Variants in FAIM2 observed in about 807,000 individuals in gnomAD.
FAIM2 encodes Fas apoptotic inhibitory molecule 2.
In FAIM2, 27 loss-of-function variants were observed where a neutral mutation model predicts 47.4. The ratio of observed to expected loss-of-function variants is 0.57; its 90% confidence interval spans 0.42 to 0.78. FAIM2 has a LOEUF of 0.78. FAIM2 is among the 30% of genes least tolerant of loss of function. The pLI is 0.00. For missense variants in FAIM2, 311 were observed against 389.4 expected, an observed-to-expected ratio of 0.80 and a Z score of 1.69; for synonymous variants, 156 against 159.3, an observed-to-expected ratio of 0.98 and a Z score of 0.16.
intron 10 of FAIM2, among the ~76,000 whole-genome samples, 196 bp from the exon 11 acceptor site, chr12:49,887,635 G>A (rs1323474151): frequency 6.6e-6 from 1 of 152,068 alleles, no homozygotes; most frequent in Non-Finnish European, 1.5e-5. Context: ...GGATAAGAGC[G>A]ATCCTGGTGG....
chr12:49,897,621 C>T, intron 3 of FAIM2, 38 bp from the exon 4 acceptor site: 5 of 1,517,704 alleles, frequency 3.3e-6, no homozygotes, highest in Non-Finnish European at 4.6e-6. Context: ...TTGGGGGGCC[C>T]TGTTAGGGAC....
chr12:49,885,358 C>T (rs899249560), intron 11 of FAIM2, among the ~76,000 whole-genome samples: 9 of 152,212 alleles, frequency 5.9e-5, no homozygotes, highest in African/African-American at 2.2e-4. Context: ...CCTGGCTTGG[C>T]CCCTCTTCTG....
Position 49,887,457 on chromosome 12 carries a change from T to C in FAIM2, c.748-18A>G. 6.2e-7 allele frequency: 1 copy of C among 1,608,170 alleles called. No individual in the cohort carries two copies. The highest frequency in any genetic ancestry group is 8.5e-7 in the Non-Finnish European group (1 of 1,176,876). On this transcript the variant is annotated intron_variant, in intron 10 of 11. Transcript: ENST00000320634. ...CAGGGCACCTGCGGCAGAGGAAAAA[T>C]GGGCTTAGGGACGACAAGAAGGGGC...
intron 11 of FAIM2, among the ~76,000 whole-genome samples, chr12:49,885,783 ATT>A (rs1168232778): frequency 1.3e-5 from 2 of 152,114 alleles, no homozygotes; most frequent in African/African-American, 2.4e-5. Flanking sequence ...CCTGGAGGTC[ATT>A]TATTCATTCT....
intron 11 of FAIM2, among the ~76,000 whole-genome samples, chr12:49,880,152 G>C (rs1592787179): frequency 6.7e-6 from 1 of 150,090 alleles, no homozygotes; most frequent in South Asian, 2.1e-4. Flanking sequence ...GTGAGTGTAT[G>C]TGTGTGCATG....
chr12:49,882,181 G>A (rs1447875128), intron 11 of FAIM2, among the ~76,000 whole-genome samples: 1 of 152,230 alleles, frequency 6.6e-6, no homozygotes, highest in Admixed American at 6.5e-5. Context: ...CTGCAGGGCT[G>A]GGAGTGGCCC....
At chr12:49,878,805 T>TCTGTGTATGTGTGA (rs1231359047) in intron 11 of FAIM2, among the ~76,000 whole-genome samples, 1 of 38,764 alleles carries the variant, frequency 2.6e-5, no homozygotes, top group African/African-American at 1.5e-4. Context: ...TGTATATGTG[T>TCTGTGTATGTGTGA]GCATGTGAAT....
intron 11 of FAIM2, 94 bp downstream of exon 11, chr12:49,887,292 G>A (rs1276979974): frequency 5.1e-6 from 6 of 1,173,738 alleles, no homozygotes; most frequent in Non-Finnish European, 7.5e-6. Flanking sequence ...AGGATCCAGG[G>A]AAGAGGGCTG....
At chr12:49,875,800 C>T (rs1480932707) in intron 11 of FAIM2, among the ~76,000 whole-genome samples, 4 of 152,124 alleles carry the variant, frequency 2.6e-5, no homozygotes, top group African/African-American at 7.2e-5. Flanking sequence ...CACGATGAAA[C>T]CCCCGTCTCT....
chr12:49,878,706 GCA>G (rs1946767440), intron 11 of FAIM2, among the ~76,000 whole-genome samples: 3 of 106,604 alleles, frequency 2.8e-5, no homozygotes, highest in Admixed American at 9.9e-5. Flanking sequence ...GTGCATGTGT[GCA>G]TATATGCGTG....
chr12:49,877,001 G>T (rs1390655017), intron 11 of FAIM2, among the ~76,000 whole-genome samples: 1 of 152,162 alleles, frequency 6.6e-6, no homozygotes. Context: ...GTGACTTGGT[G>T]GGGGGCACTG....
chr12:49,894,215 T>C (rs1178899620), intron 5 of FAIM2, among the ~76,000 whole-genome samples: 2 of 152,218 alleles, frequency 1.3e-5, no homozygotes, highest in Non-Finnish European at 2.9e-5. Flanking sequence ...GTTCAAGCAC[T>C]TTGCGTGGGC....
intron 10 of FAIM2, among the ~76,000 whole-genome samples, chr12:49,887,978 A>G (rs1946873360): frequency 6.6e-6 from 1 of 152,108 alleles, no homozygotes; most frequent in Non-Finnish European, 1.5e-5. Context: ...AGGCTGGAAC[A>G]GCACCTCCCC....
intron 2 of FAIM2, chr12:49,900,273 TG>T: frequency 3.3e-6 from 4 of 1,218,370 alleles, no homozygotes; most frequent in South Asian, 1.3e-5. Context: ...AGGCTCTGTC[TG>T]GGGCATTGTC....
At position 49,890,006 on chromosome 12, in the gene FAIM2, G is replaced by A. The variant is rs536493414; in HGVS notation, c.563+111C>T. ...AAGCCTCCTGCATGCCTGAGCCCCC[G>A]GGCCCATCCACATGCTCCCATGTGT... is the stretch of plus-strand genomic sequence containing the variant. On this transcript the variant is annotated intron_variant, in intron 8 of 11. Coordinates refer to ENST00000320634, the MANE Select transcript of FAIM2 (RefSeq NM_012306.4). 4.3e-5 allele frequency: 46 copies of A among 1,079,112 alleles called. No individual in the cohort carries two copies. In the East Asian group the frequency reaches 6.2e-4, roughly 14 times the overall value. The allele number at this position is 1,079,112 out of a possible 1,614,324, so 66.8% of individuals were successfully genotyped here. A position where few individuals can be genotyped will look rare whatever the true frequency, so the allele number is the denominator to read the frequency against.
chr12:49,895,183 C>T lies in FAIM2; in HGVS notation c.434+1848G>A, dbSNP rs141188672. On this transcript the variant is annotated intron_variant, in intron 5 of 11. Transcript: ENST00000320634. ...CACCCTATGAAAAGCGCCCAGTCCACGCCCACCTCCCACTTCTGCCAGCAC... is the reference window on the plus strand; with the variant it reads ...CACCCTATGAAAAGCGCCCAGTCCATGCCCACCTCCCACTTCTGCCAGCAC... Among the ~76,000 whole-genome samples the T allele has an allele frequency of 8.5e-3, 1,288 of 152,214 alleles. 7 individuals are homozygous for T. Among genetic ancestry groups the T allele is most frequent in the Non-Finnish European group, 0.013 (915 of 67,992 alleles).
Position 49,903,900 on chromosome 12 carries a change from T to G in FAIM2, c.-108A>C. 1.7e-6 allele frequency: 2 copies of G among 1,190,926 alleles called. No homozygotes were observed. Among genetic ancestry groups the G allele is most frequent in the Non-Finnish European group, 1.1e-6 (1 of 870,122 alleles). The allele number at this position is 1,190,926 out of a possible 1,614,324, so 73.8% of individuals were successfully genotyped here. A position where few individuals can be genotyped will look rare whatever the true frequency, so the allele number is the denominator to read the frequency against. On this transcript the variant is annotated 5_prime_UTR_variant, in exon 1 of 12. Coordinates refer to ENST00000320634, the MANE Select transcript of FAIM2 (RefSeq NM_012306.4). ...CCGCGTGGGTTCTAGCAACATCCAC[T>G]GCAGCCGGGCCAGGCGAGCCGGCGC... is the stretch of plus-strand genomic sequence containing the variant.
In FAIM2 at chr12:49,900,155, C is replaced by A. The variant is rs920390395; in HGVS notation, c.211+975G>T. Reference sequence around the variant, plus strand: ...GAGGAGGACACCCACAAACACCAGACCTTCATTGACCCTCCAGTAGGTCAC... The same window carrying A: ...GAGGAGGACACCCACAAACACCAGAACTTCATTGACCCTCCAGTAGGTCAC... On this transcript the variant is annotated intron_variant, in intron 2 of 11. Coordinates refer to ENST00000320634, the MANE Select transcript of FAIM2 (RefSeq NM_012306.4). 8 of 1,267,018 alleles carry A rather than the reference C, an allele frequency of 6.3e-6. No homozygotes were observed. The Admixed American group carries it at 1.4e-4, about 22-fold the overall frequency. 78.5% of individuals were successfully genotyped at this position (1,267,018 alleles called of 1,614,324 possible).
In FAIM2 at chr12:49,890,689, G is replaced by C. The variant is rs149875639; in HGVS notation, c.519C>G (p.Thr173=). 1 of 1,613,876 alleles carries C rather than the reference G, an allele frequency of 6.2e-7. No homozygotes were observed. Among genetic ancestry groups the C allele is most frequent in the African/African-American group, 1.3e-5 (1 of 74,986 alleles). Residue 173 remains threonine (T), a synonymous_variant, in exon 7 of 12, where the codon ACC becomes ACG. Coordinates refer to ENST00000320634, the MANE Select transcript of FAIM2 (RefSeq NM_012306.4). The part of the protein sequence containing the change: ...RHFPWNLILL[T]VFTLSMAYLT... ...CACACCCAGGATCACTTACAAAGAC[G>C]GTCAGGAGAATCAGGTTCCAGGGGA...
Sources: allele counts gnomAD v4.1 joint callset (sites outside exome capture counted in the v4.1 genomes callset), GRCh38; gene constraint gnomAD v4.1.1; transcripts MANE v1.5; gene names NCBI Gene and HGNC (gene_info 2026-07-23, HGNC 2026-07-21).